FRMPD3: variants seen among roughly 807,000 people sequenced by gnomAD.
FRMPD3 encodes the protein FERM and PDZ domain containing 3, also known as FERM and PDZ domain-containing protein 3.
In FRMPD3, 42 loss-of-function variants were observed where a neutral mutation model predicts 97.9. The observed-to-expected ratio is 0.43, with a 90% CI of 0.34 to 0.55. The LOEUF (loss-of-function observed/expected upper bound fraction) is 0.55. Ranked by LOEUF, FRMPD3 falls within the 20% of genes least tolerant of loss-of-function variation. FRMPD3 has a pLI of 0.03. For synonymous variants in FRMPD3, 577 were observed against 581.1 expected (o/e 0.99, Z 0.10); for missense variants, 1,303 against 1,457.7 (o/e 0.89, Z 1.73).
intron 1 of FRMPD3, among the ~76,000 whole-genome samples, chrX:107,450,991 G>A (rs1048909564): frequency 9.1e-6 from 1 of 109,394 alleles, no homozygotes; most frequent in Non-Finnish European, 1.9e-5. Flanking sequence ...CTCCACGCTC[G>A]AGCTGTTGGG....
chrX:107,489,117 A>T (rs1464994847), intron 1 of FRMPD3, among the ~76,000 whole-genome samples: 2 of 107,998 alleles, frequency 1.9e-5, no homozygotes, highest in Non-Finnish European at 3.8e-5. Context: ...TAGTTTGCTG[A>T]CAATGATGGT....
chrX:107,530,623 G>C, intron 3 of FRMPD3, 112 bp downstream of exon 3: 1 of 566,844 alleles, frequency 1.8e-6, no homozygotes, highest in South Asian at 2.9e-5. Context: ...CTTCCAGGCA[G>C]AGAAGCCCTA....
In FRMPD3 at chrX:107,519,364, G is replaced by A. The variant is rs142135428; in HGVS notation, c.-7-7218G>A. Among the ~76,000 whole-genome samples, 650 of 110,928 alleles carry A rather than the reference G, an allele frequency of 5.9e-3. 6 individuals carry two copies. Among genetic ancestry groups the A allele is most frequent in the African/African-American group, 0.02 (601 of 30,464 alleles). On this transcript the variant is annotated intron_variant, in intron 1 of 14. Transcript: ENST00000683843. Reference sequence around the variant, plus strand: ...ATATAAAAAATAGTCAGGCAGGGTGGCACACGCCTGTGGTCCCAGCTACTT... The same window carrying A: ...ATATAAAAAATAGTCAGGCAGGGTGACACACGCCTGTGGTCCCAGCTACTT...
chrX:107,596,738 C>G (rs1473039404), intron 13 of FRMPD3, among the ~76,000 whole-genome samples: 1 of 112,146 alleles, frequency 8.9e-6, no homozygotes, highest in Non-Finnish European at 1.9e-5. Flanking sequence ...TAATATAGAG[C>G]CTTATTCTTT....
chrX:107,596,450 C>T (rs1312803692), intron 13 of FRMPD3, among the ~76,000 whole-genome samples: 2 of 112,015 alleles, frequency 1.8e-5, no homozygotes, highest in African/African-American at 6.5e-5. Flanking sequence ...TATATTCTCA[C>T]AGATAAAATG....
chrX:107,507,538 C>G (rs1410668912), intron 1 of FRMPD3, among the ~76,000 whole-genome samples: 5 of 111,679 alleles, frequency 4.5e-5, no homozygotes, highest in Non-Finnish European at 9.4e-5. Context: ...CCACCCCTGC[C>G]CCTCAGCGCC....
At chrX:107,456,057 C>CTATTAT (rs746552425) in intron 1 of FRMPD3, among the ~76,000 whole-genome samples, 2 of 109,528 alleles carry the variant, frequency 1.8e-5, no homozygotes, top group South Asian at 4.0e-4. Context: ...TAGTGGATGA[C>CTATTAT]TATTATTATT....
At chrX:107,451,964 C>T (rs1391501993) in intron 1 of FRMPD3, among the ~76,000 whole-genome samples, 1 of 111,966 alleles carries the variant, frequency 8.9e-6, no homozygotes, top group Non-Finnish European at 1.9e-5. Context: ...TGGGTCCTCT[C>T]CCCCGCCCCC....
intron 4 of FRMPD3, among the ~76,000 whole-genome samples, chrX:107,535,262 T>C (rs1923172531): frequency 8.9e-6 from 1 of 112,538 alleles, no homozygotes. Context: ...TGAAATATTA[T>C]ATTTTTTAAC....
chrX:107,529,761 C>T (rs771589104), intron 2 of FRMPD3, among the ~76,000 whole-genome samples: 4 of 111,320 alleles, frequency 3.6e-5, no homozygotes, highest in Middle Eastern at 4.6e-3. Context: ...ATGCCTAAGT[C>T]CTTCCAGACT....
rs111660383 is a variant in FRMPD3 at position 107,577,155 on chromosome X, T to C, written c.1441+696T>C. On this transcript the variant is annotated intron_variant, in intron 13 of 14. Transcript: ENST00000683843. ...GCCTGGCTAACAAGGTGAAACCCTG[T>C]CTCTACTAAAAAAAAAAAAAAAAAA... Among the ~76,000 whole-genome samples, 311 of 74,698 alleles carry C rather than the reference T, an allele frequency of 4.2e-3. 1 individual carries two copies. Among genetic ancestry groups the C allele is most frequent in the Middle Eastern group, 0.038 (4 of 106 alleles). 64.9% of individuals were successfully genotyped at this position (74,698 alleles called of 115,157 possible). A position where few individuals can be genotyped will look rare whatever the true frequency, so the allele number is the denominator to read the frequency against.
rs747649597 is a variant in FRMPD3 at position 107,548,073 on chromosome X, G to A, written c.403-1976G>A. Among the ~76,000 whole-genome samples the A allele has an allele frequency of 2.7e-5, 3 of 111,685 alleles. No homozygotes were observed. The East Asian group carries it at 8.5e-4, about 32-fold the overall frequency. On this transcript the variant is annotated intron_variant, in intron 5 of 14. Transcript: ENST00000683843. Reference sequence around the variant, plus strand: ...ACCATACCCCAACCCAGGAGGATTTGCTTGTTCCTCTTTCCATGCTTTGTC... The same window carrying A: ...ACCATACCCCAACCCAGGAGGATTTACTTGTTCCTCTTTCCATGCTTTGTC...
chrX:107,600,543 G>C lies in FRMPD3; in HGVS notation c.2504G>C (p.Arg835Pro). ...CTTACGGCCCCTTACTCTCTTGGGC[G>C]CCCGGATCCCAACCCATCTCTCCAA... ...AVLTAPYSLG[R>P]PDPNPSLQPI... The change falls in exon 15 of 15, where the codon CGC becomes CCC. Residue 835 changes from arginine to proline, a missense_variant. Physicochemically the swap from Arg to Pro is moderately radical, Grantham distance 103. Around this residue, in one of 3 missense-constraint regions of FRMPD3, gnomAD observed 764 missense variants for 820.2 expected, o/e 0.93. Transcript: ENST00000683843. The C allele has an allele frequency of 8.3e-7, 1 of 1,210,487 alleles. No homozygotes were observed.
rs750106183 is a variant in FRMPD3 at position 107,602,090 on chromosome X, C to T, written c.4051C>T (p.Arg1351Cys). 67 of 1,204,741 alleles carry T rather than the reference C, an allele frequency of 5.6e-5. No individual in the cohort carries two copies. In the East Asian group the frequency reaches 1.4e-3, roughly 25 times the overall value. Residue 1351 changes from arginine (R) to cysteine (C), a missense_variant, in exon 15 of 15, where the codon CGC (arginine) becomes TGC (cysteine). This residue lies in a region of FRMPD3 where 764 missense variants were observed against 820.2 expected (regional missense o/e 0.93). Coordinates refer to ENST00000683843, the MANE Select transcript of FRMPD3 (RefSeq NM_001388459.1). The stretch of plus-strand genomic sequence containing the variant: ...CCTCAGCAGCCCCATCAATGTCCAG[C>T]GCATTCGTTCTACCAGCCTGGAGTC... ...VSLSSPINVQ[R>C]IRSTSLESRE... is the part of the protein sequence containing the mutation.
At chrX:107,501,510 A>G (rs1921907833) in intron 1 of FRMPD3, among the ~76,000 whole-genome samples, 2 of 71,981 alleles carry the variant, frequency 2.8e-5, no homozygotes, top group Non-Finnish European at 5.0e-5. Flanking sequence ...CTGGGACTAC[A>G]GGCGCCCGCC....
At position 107,602,720 on chromosome X, in the gene FRMPD3, C is replaced by G. The variant is rs1378211170; in HGVS notation, c.4681C>G (p.Gln1561Glu). 2 of 1,209,337 alleles carry G rather than the reference C, an allele frequency of 1.7e-6. No homozygotes were observed. The highest frequency in any genetic ancestry group is 2.2e-6 in the Non-Finnish European group (2 of 895,162). ...SSSSPEASRT[Q>E]EIDLRVSTFE... ...CAGCAGCCCTGAGGCCTCCCGCACTCAGGAGATTGACCTCCGTGTGTCCAC... is the reference window on the plus strand; with the variant it reads ...CAGCAGCCCTGAGGCCTCCCGCACTGAGGAGATTGACCTCCGTGTGTCCAC... The change falls in exon 15 of 15, where the codon CAG (glutamine) becomes GAG (glutamate). Residue 1561 changes from glutamine (Q) to glutamate (E), a missense_variant. Physicochemically the swap from Gln to Glu is conservative, Grantham distance 29. Transcript: ENST00000683843.
intron 1 of FRMPD3, among the ~76,000 whole-genome samples, chrX:107,514,529 CTTT>C (rs753016000): frequency 4.2e-5 from 4 of 95,492 alleles, no homozygotes; most frequent in African/African-American, 7.7e-5. Context: ...TTTCCTTTTC[CTTT>C]TTTTTTTTTT....
chrX:107,590,949 G>C (rs1249622903), intron 13 of FRMPD3, among the ~76,000 whole-genome samples: 2 of 111,472 alleles, frequency 1.8e-5, no homozygotes, highest in Non-Finnish European at 3.8e-5. Context: ...ATTTTTGGAA[G>C]GGTTTGTGAA....
intron 1 of FRMPD3, among the ~76,000 whole-genome samples, chrX:107,503,208 T>C (rs1179744164): frequency 8.9e-6 from 1 of 111,965 alleles, no homozygotes; most frequent in Non-Finnish European, 1.9e-5. Flanking sequence ...CAAGCCCATG[T>C]CCATAGTGCC....
Sources: gnomAD v4.1 joint callset for allele counts (sites outside exome capture counted in the v4.1 genomes callset) on GRCh38, gnomAD v4.1.1 for gene constraint, gnomAD v4.1.1 regional missense constraint, MANE v1.5 for transcripts, NCBI Gene and HGNC (gene_info 2026-07-23, HGNC 2026-07-21) for gene names.